KANK1: variants seen among roughly 807,000 people sequenced by gnomAD.
KANK1 encodes KN motif and ankyrin repeat domain-containing protein 1.
Under a neutral mutation model 106.2 loss-of-function variants are expected in KANK1, and 109 were observed. The ratio of observed to expected loss-of-function variants is 1.03; its 90% CI spans 0.88 to 1.20. KANK1 has a LOEUF of 1.20. Ranked by LOEUF, KANK1 falls within the 50% of genes most tolerant of loss-of-function variation. The pLI is 0.00. For synonymous variants in KANK1, 873 were observed against 652.2 expected, an observed-to-expected ratio of 1.34 and a Z score of -5.16; for missense variants, 2,399 against 1,710.7, an observed-to-expected ratio of 1.40 and a Z score of -7.10.
chr9:672,905 A>T (rs1456853717), intron 1 of KANK1, among the ~76,000 whole-genome samples: 1 of 152,156 alleles, frequency 6.6e-6, no homozygotes, highest in East Asian at 1.9e-4. Flanking sequence ...TTTCTTTCTT[A>T]GCTAGGAGAA....
chr9:657,247 C>T (rs1157781548), intron 1 of KANK1, among the ~76,000 whole-genome samples: 1 of 152,112 alleles, frequency 6.6e-6, no homozygotes. Context: ...TATGCATATA[C>T]CACATTTTCC....
intron 1 of KANK1, among the ~76,000 whole-genome samples, chr9:623,925 C>T (rs1315186146): frequency 2.0e-5 from 3 of 152,078 alleles, no homozygotes; most frequent in Admixed American, 1.3e-4. Flanking sequence ...GATATCTTCA[C>T]TTCCATATTT....
intron 1 of KANK1, among the ~76,000 whole-genome samples, chr9:589,668 G>A (rs1193486999): frequency 2.0e-5 from 3 of 152,168 alleles, no homozygotes; most frequent in African/African-American, 7.2e-5. Context: ...AGGAGATGGA[G>A]CAAGTAGACA....
intron 1 of KANK1, among the ~76,000 whole-genome samples, chr9:518,164 C>T (rs963059072): frequency 6.6e-6 from 1 of 151,792 alleles, no homozygotes; most frequent in Non-Finnish European, 1.5e-5. Context: ...GCTAAAGGGG[C>T]TTGAAGTTTA....
intron 1 of KANK1, among the ~76,000 whole-genome samples, chr9:602,564 C>G (rs1828036166): frequency 6.7e-6 from 1 of 148,162 alleles, no homozygotes; most frequent in Admixed American, 6.6e-5. Flanking sequence ...GGCCCCCATT[C>G]CATATTTTAA....
chr9:493,732 A>G (rs1032132862), intron 3 of KANK1, among the ~76,000 whole-genome samples: 3 of 151,258 alleles, frequency 2.0e-5, no homozygotes, highest in African/African-American at 7.3e-5. Context: ...ATTTTAGTAG[A>G]GACAGGGTTT....
chr9:625,191 G>A (rs1380919909), intron 1 of KANK1, among the ~76,000 whole-genome samples: 1 of 152,138 alleles, frequency 6.6e-6, no homozygotes, highest in African/African-American at 2.4e-5. Context: ...TCCTCATGGA[G>A]GAAAAGACTG....
intron 1 of KANK1, among the ~76,000 whole-genome samples, chr9:636,078 G>C (rs552026841): frequency 6.6e-6 from 1 of 152,116 alleles, no homozygotes; most frequent in Non-Finnish European, 1.5e-5. Flanking sequence ...ACAAATAAAT[G>C]GTTGTACATC....
intron 1 of KANK1, among the ~76,000 whole-genome samples, chr9:616,052 C>G (rs7867657): frequency 0.028 from 4,308 of 152,210 alleles, 135 homozygotes; most frequent in African/African-American, 0.075. Flanking sequence ...TGTATCCGTC[C>G]TACCAGTGTC....
At chr9:588,080 G>A (rs34675610) in intron 1 of KANK1, among the ~76,000 whole-genome samples, 422 of 9,058 alleles carry the variant, frequency 0.047, 3 homozygotes, top group African/African-American at 0.13. Flanking sequence ...AAAAAAAAAA[G>A]AAAGAAAGAA....
At chr9:505,646 A>C (rs1430557500) in intron 1 of KANK1, among the ~76,000 whole-genome samples, 1 of 152,190 alleles carries the variant, frequency 6.6e-6, no homozygotes, top group Admixed American at 6.5e-5. Context: ...AGCGTGACCT[A>C]GTGAAGGCCT....
chr9:662,725 G>A (rs1408537010), intron 1 of KANK1, among the ~76,000 whole-genome samples: 2 of 149,032 alleles, frequency 1.3e-5, no homozygotes, highest in African/African-American at 2.5e-5. Context: ...GCAGTGGCGC[G>A]ATCTCAGCTC....
intron 1 of KANK1, chr9:549,258 G>A (rs1047804971): frequency 6.6e-5 from 10 of 152,442 alleles, no homozygotes; most frequent in African/African-American, 2.4e-4. Flanking sequence ...TCTCCCCGCT[G>A]ACTTCCTGTA....
intron 1 of KANK1, among the ~76,000 whole-genome samples, chr9:537,251 A>T (rs2060349220): frequency 2.6e-5 from 4 of 152,226 alleles, no homozygotes; most frequent in Admixed American, 2.0e-4. Flanking sequence ...CCCCTCTGTG[A>T]CATTTGGTAT....
At position 676,552 on chromosome 9, in the gene KANK1, A is replaced by T. The variant is rs116791256; in HGVS notation, c.-83-338A>T. Among the ~76,000 whole-genome samples the T allele has an allele frequency of 2.4e-3, 367 of 152,376 alleles. 3 individuals are homozygous for T. The highest frequency in any genetic ancestry group is 8.1e-3 in the African/African-American group (336 of 41,586). ...AGAATTTGGAAAGGAAGATATGCTT[A>T]AAAACCAAAAATATTTCGTAGAGTG... On this transcript the variant is annotated intron_variant, in intron 1 of 11. Coordinates refer to ENST00000382297, the MANE Select transcript of KANK1 (RefSeq NM_015158.5).
At chr9:733,383 A>G (rs1215186627) in intron 6 of KANK1, 2 of 152,340 alleles carry the variant, frequency 1.3e-5, no homozygotes, top group African/African-American at 4.8e-5. Flanking sequence ...TTTAGTTTAT[A>G]TTTCCAAGTG....
chr9:502,915 G>A (rs57410109), upstream of KANK1, among the ~76,000 whole-genome samples: 2,952 of 151,736 alleles, frequency 0.019, 92 homozygotes, highest in African/African-American at 0.066. Context: ...GCTCACTGCC[G>A]CCTCGACCTC....
At chr9:587,897 C>G (rs1823899456) in intron 1 of KANK1, among the ~76,000 whole-genome samples, 1 of 152,104 alleles carries the variant, frequency 6.6e-6, no homozygotes, top group Non-Finnish European at 1.5e-5. Flanking sequence ...GAAACCCCGT[C>G]TCTAATAAAA....
At chr9:608,288 C>T (rs1002354718) in intron 1 of KANK1, among the ~76,000 whole-genome samples, 4 of 151,298 alleles carry the variant, frequency 2.6e-5, no homozygotes, top group African/African-American at 4.9e-5. Context: ...CCACCCGCCT[C>T]GGCCTCCCAA....
Sources: gnomAD v4.1 joint callset for allele counts (sites outside exome capture counted in the v4.1 genomes callset) on GRCh38, gnomAD v4.1.1 for gene constraint, MANE v1.5 for transcripts, NCBI Gene and HGNC (gene_info 2026-07-23, HGNC 2026-07-21) for gene names.